The following SYN3 variants were observed in gnomAD, a reference collection of about 807,000 sequenced individuals.
SYN3 encodes synapsin III.
In SYN3, 35 loss-of-function variants were observed where a neutral mutation model predicts 65.8. The observed-to-expected ratio is 0.53, with a 90% confidence interval of 0.41 to 0.70. The LOEUF (loss-of-function observed/expected upper bound fraction) is 0.70. SYN3 is among the 30% of genes least tolerant of loss of function. SYN3 has a pLI of 0.00. For synonymous variants in SYN3, 270 were observed against 292.9 expected (o/e 0.92, Z 0.80); for missense variants, 680 against 749.0 (o/e 0.91, Z 1.08).
chr22:32,752,431 G>T (rs1405862330), intron 6 of SYN3, among the ~76,000 whole-genome samples: 1 of 152,212 alleles, frequency 6.6e-6, no homozygotes, highest in East Asian at 1.9e-4. Flanking sequence ...GAGCTGGCCT[G>T]CCTCTGGCCC....
chr22:32,923,496 C>T (rs1418368438), intron 4 of SYN3, among the ~76,000 whole-genome samples: 1 of 152,180 alleles, frequency 6.6e-6, no homozygotes. Flanking sequence ...AGCAAGACTT[C>T]GGGAGATCTA....
chr22:32,999,198 A>T (rs937686307), intron 2 of SYN3, among the ~76,000 whole-genome samples: 2 of 152,232 alleles, frequency 1.3e-5, no homozygotes, highest in African/African-American at 4.8e-5. Context: ...GGAGGTCGAT[A>T]TTAACACTGC....
At chr22:32,798,120 A>T (rs1230828802) in intron 6 of SYN3, among the ~76,000 whole-genome samples, 1 of 152,250 alleles carries the variant, frequency 6.6e-6, no homozygotes, top group Non-Finnish European at 1.5e-5. Flanking sequence ...GAAAAAAATA[A>T]ACACACAAGA....
At chr22:32,738,486 T>G (rs2061361897) in intron 6 of SYN3, among the ~76,000 whole-genome samples, 1 of 152,222 alleles carries the variant, frequency 6.6e-6, no homozygotes, top group Non-Finnish European at 1.5e-5. Flanking sequence ...GCTGCATGAC[T>G]CTGAATTTGA....
chr22:32,702,427 G>A (rs944851404), intron 6 of SYN3, among the ~76,000 whole-genome samples: 1 of 152,154 alleles, frequency 6.6e-6, no homozygotes, highest in Non-Finnish European at 1.5e-5. Flanking sequence ...GCAGTGAGCC[G>A]AGATCGCACT....
chr22:33,013,605 G>A (rs1021833214), intron 1 of SYN3, among the ~76,000 whole-genome samples: 1 of 152,056 alleles, frequency 6.6e-6, no homozygotes, highest in African/African-American at 2.4e-5. Flanking sequence ...AATATACAAT[G>A]CATTATTTAT....
intron 8 of SYN3, among the ~76,000 whole-genome samples, chr22:32,540,900 G>A (rs562784315): frequency 2.6e-5 from 4 of 152,212 alleles, no homozygotes; most frequent in Non-Finnish European, 5.9e-5. Context: ...CAGTAGGGAT[G>A]CCATGAAAAT....
chr22:32,711,812 C>T (rs2060970041), intron 6 of SYN3, among the ~76,000 whole-genome samples: 1 of 152,122 alleles, frequency 6.6e-6, no homozygotes, highest in Admixed American at 6.5e-5. Flanking sequence ...TGAATAATAC[C>T]AAGTTCAAAC....
rs2057850600 is a variant in SYN3, at chr22:32,520,022, A to T, written c.1319-1688T>A. Among the ~76,000 whole-genome samples the T allele has an allele frequency of 2.0e-5, 3 of 152,112 alleles. No individual in the cohort carries two copies. In the South Asian group the frequency reaches 6.2e-4, roughly 32 times the overall value. On this transcript the variant is annotated intron_variant, in intron 12 of 13. Coordinates refer to ENST00000358763, the MANE Select transcript of SYN3 (RefSeq NM_003490.4). Reference sequence around the variant, plus strand: ...CAGCCATGGGAGTGCTGTCCCTGGAACTCTAGAGAGAGCCACATGTATAAT... The same window carrying T: ...CAGCCATGGGAGTGCTGTCCCTGGATCTCTAGAGAGAGCCACATGTATAAT...
At chr22:32,588,152 C>G (rs2146539199) in intron 7 of SYN3, among the ~76,000 whole-genome samples, 1 of 152,348 alleles carries the variant, frequency 6.6e-6, no homozygotes, top group South Asian at 2.1e-4. Context: ...TACTACTCTT[C>G]TCATCTCTAA....
intron 7 of SYN3, among the ~76,000 whole-genome samples, chr22:32,570,273 C>T (rs1848583719): frequency 6.6e-6 from 1 of 152,160 alleles, no homozygotes; most frequent in South Asian, 2.1e-4. Context: ...GCGTGGGGTC[C>T]CGCCAGGGGA....
At chr22:32,928,320 A>G (rs550581641) in intron 4 of SYN3, among the ~76,000 whole-genome samples, 1 of 151,730 alleles carries the variant, frequency 6.6e-6, no homozygotes, top group East Asian at 1.9e-4. Flanking sequence ...ACAGAGCGAG[A>G]CTCCGTCTCA....
At chr22:32,877,405 G>T (rs898154288) in intron 4 of SYN3, among the ~76,000 whole-genome samples, 8 of 152,208 alleles carry the variant, frequency 5.3e-5, no homozygotes, top group African/African-American at 1.9e-4. Flanking sequence ...CATGAGTCAA[G>T]CTTCACAGCC....
At chr22:32,957,582 G>A (rs920513806) in intron 3 of SYN3, among the ~76,000 whole-genome samples, 1 of 152,200 alleles carries the variant, frequency 6.6e-6, no homozygotes, top group Non-Finnish European at 1.5e-5. Flanking sequence ...CAGCTTATGT[G>A]TTTATTTTGG....
intron 1 of SYN3, among the ~76,000 whole-genome samples, chr22:33,008,972 G>GAAAAA (rs2053277034): frequency 2.1e-5 from 2 of 94,830 alleles, no homozygotes; most frequent in African/African-American, 7.7e-5. Flanking sequence ...AAGAGAGAGA[G>GAAAAA]AGAAAAGAAA....
intron 13 of SYN3, chr22:32,514,563 TC>T (rs2057739188): frequency 6.6e-6 from 1 of 152,196 alleles, no homozygotes; most frequent in Admixed American, 6.5e-5. Flanking sequence ...GCTGAGCACT[TC>T]CCCTGTGCTA....
intron 6 of SYN3, among the ~76,000 whole-genome samples, chr22:32,753,820 G>A (rs144783762): frequency 3.3e-3 from 501 of 152,334 alleles, no homozygotes; most frequent in Non-Finnish European, 6.0e-3. Context: ...GTCACCCCAG[G>A]CCAGGCCCTC....
intron 2 of SYN3, among the ~76,000 whole-genome samples, chr22:32,997,749 G>A (rs565411942): frequency 4.3e-4 from 66 of 152,172 alleles, no homozygotes; most frequent in African/African-American, 1.5e-3. Context: ...GCCACCGGCC[G>A]GGCGCGGTGG....
intron 6 of SYN3, among the ~76,000 whole-genome samples, chr22:32,842,634 A>G (rs900972749): frequency 1.3e-5 from 2 of 152,224 alleles, no homozygotes; most frequent in Non-Finnish European, 2.9e-5. Context: ...ACCTTTGTAC[A>G]TATACATTGT....
Sources: allele counts gnomAD v4.1 joint callset (sites outside exome capture counted in the v4.1 genomes callset), GRCh38; gene constraint gnomAD v4.1.1; transcripts MANE v1.5; gene names NCBI Gene and HGNC (gene_info 2026-07-23, HGNC 2026-07-21).